Variants in DEPTOR observed in about 807,000 individuals in gnomAD.
The protein encoded by DEPTOR is DEP domain containing MTOR interacting protein, also known as DEP domain-containing mTOR-interacting protein.
Under a neutral mutation model 41.6 loss-of-function variants are expected in DEPTOR, and 41 were observed. That is an observed-to-expected ratio of 0.98 (90% CI 0.77 to 1.28). The LOEUF is 1.28. Ranked by LOEUF, DEPTOR falls within the 50% of genes most tolerant of loss-of-function variation. The pLI, the probability that DEPTOR is intolerant of heterozygous loss-of-function variation, is 0.00. For missense variants in DEPTOR, 514 were observed against 527.9 expected (o/e 0.97, Z 0.26); for synonymous variants, 195 against 192.3 (o/e 1.01, Z -0.12).
intron 8 of DEPTOR, among the ~76,000 whole-genome samples, chr8:120,042,605 G>T (rs1325834268): frequency 6.6e-6 from 1 of 151,996 alleles, no homozygotes; most frequent in Non-Finnish European, 1.5e-5. Context: ...TGCAACTTCC[G>T]CCTCCCAGGT....
intron 1 of DEPTOR, among the ~76,000 whole-genome samples, chr8:119,912,284 CTT>C: frequency 6.6e-6 from 1 of 152,168 alleles, no homozygotes; most frequent in Non-Finnish European, 1.5e-5. Flanking sequence ...ATTAAGGAAA[CTT>C]TGACTGGCAT....
At chr8:119,981,883 C>T (rs548404148) in intron 4 of DEPTOR, among the ~76,000 whole-genome samples, 19 of 151,506 alleles carry the variant, frequency 1.3e-4, no homozygotes, top group South Asian at 4.2e-4. Context: ...GGAGTGGTGG[C>T]GGGCGCCTGT....
At chr8:119,910,226 T>C (rs1164915452) in intron 1 of DEPTOR, among the ~76,000 whole-genome samples, 1 of 152,206 alleles carries the variant, frequency 6.6e-6, no homozygotes, top group Non-Finnish European at 1.5e-5. Context: ...AGAGCACCTA[T>C]GTTAAGAAAG....
chr8:119,906,690 G>A (rs118001140), intron 1 of DEPTOR, among the ~76,000 whole-genome samples: 1,983 of 152,142 alleles, frequency 0.013, 21 homozygotes, highest in Non-Finnish European at 0.02. Context: ...CCTATTGCTG[G>A]ACCATAAGCC....
chr8:120,025,763 C>T (rs968900904), intron 8 of DEPTOR, among the ~76,000 whole-genome samples: 1 of 151,926 alleles, frequency 6.6e-6, no homozygotes, highest in Non-Finnish European at 1.5e-5. Context: ...CTAGCTGGTC[C>T]CCTTTCGTCT....
intron 8 of DEPTOR, among the ~76,000 whole-genome samples, chr8:120,043,881 G>A (rs542548814): frequency 1.3e-5 from 2 of 151,908 alleles, no homozygotes; most frequent in South Asian, 2.1e-4. Context: ...GCGTGGTGGT[G>A]TGTGCCTGTA....
chr8:119,987,158 C>T (rs1239508861), intron 4 of DEPTOR, among the ~76,000 whole-genome samples: 1 of 152,072 alleles, frequency 6.6e-6, no homozygotes, highest in Admixed American at 6.6e-5. Context: ...TTTTCCTCAT[C>T]TTTGTGGATA....
chr8:119,931,968 ATTATTATT>A (rs1828049965), intron 3 of DEPTOR, among the ~76,000 whole-genome samples: 2 of 114,990 alleles, frequency 1.7e-5, no homozygotes, highest in South Asian at 3.5e-4. Flanking sequence ...GATTATTATT[ATTATTATT>A]ATTATTATTA....
intron 4 of DEPTOR, among the ~76,000 whole-genome samples, chr8:119,992,877 G>A (rs1418626154): frequency 6.6e-6 from 1 of 151,886 alleles, no homozygotes; most frequent in Non-Finnish European, 1.5e-5. Context: ...GGCTAGTTTC[G>A]AACTCCTGAC....
At chr8:119,953,605 A>G (rs78318720) in intron 3 of DEPTOR, among the ~76,000 whole-genome samples, 1 of 149,718 alleles carries the variant, frequency 6.7e-6, no homozygotes, top group Admixed American at 6.6e-5. Context: ...AAAAAAAAAA[A>G]GAAAGAAAGA....
chr8:120,027,693 G>A (rs1812820032), intron 8 of DEPTOR, among the ~76,000 whole-genome samples: 2 of 150,374 alleles, frequency 1.3e-5, no homozygotes, highest in Non-Finnish European at 2.9e-5. Flanking sequence ...CAATGGGAGT[G>A]AGACTCCAGC....
intron 4 of DEPTOR, among the ~76,000 whole-genome samples, chr8:119,983,352 G>A (rs1432784530): frequency 2.6e-5 from 4 of 151,988 alleles, no homozygotes; most frequent in Non-Finnish European, 5.9e-5. Flanking sequence ...GGGATTACAG[G>A]TGTGTAGCAC....
At chr8:120,042,569 A>G (rs1289524930) in intron 8 of DEPTOR, among the ~76,000 whole-genome samples, 1 of 152,178 alleles carries the variant, frequency 6.6e-6, no homozygotes, top group African/African-American at 2.4e-5. Context: ...CCCAGGCTGT[A>G]GTGCAATGGC....
chr8:119,907,609 A>T (rs1397217659), intron 1 of DEPTOR, among the ~76,000 whole-genome samples: 1 of 152,184 alleles, frequency 6.6e-6, no homozygotes, highest in Non-Finnish European at 1.5e-5. Flanking sequence ...ACTGGCCAAC[A>T]TGGTGAAACC....
chr8:119,985,150 G>T (rs887838190), intron 4 of DEPTOR, among the ~76,000 whole-genome samples: 2 of 152,124 alleles, frequency 1.3e-5, no homozygotes, highest in African/African-American at 4.8e-5. Flanking sequence ...TTCAACCCGG[G>T]CAACAGCATG....
chr8:120,002,791 A>AAAAAAAT, intron 5 of DEPTOR, among the ~76,000 whole-genome samples, 186 bp from the exon 6 acceptor site: 2 of 60,676 alleles, frequency 3.3e-5, no homozygotes, highest in Admixed American at 2.6e-4. Context: ...AAAAAAAAAA[A>AAAAAAAT]ATATATATAT....
intron 1 of DEPTOR, among the ~76,000 whole-genome samples, chr8:119,901,186 C>T (rs761414603): frequency 6.6e-6 from 1 of 152,152 alleles, no homozygotes; most frequent in Non-Finnish European, 1.5e-5. Flanking sequence ...GATATTTATG[C>T]AATTCTCTCA....
chr8:119,967,352 T>G (rs1190235545), intron 4 of DEPTOR, among the ~76,000 whole-genome samples: 1 of 151,588 alleles, frequency 6.6e-6, no homozygotes, highest in East Asian at 2.0e-4. Flanking sequence ...AGTGCTGGGA[T>G]TACAAGTGTG....
At chr8:120,043,117 G>A (rs1005081231) in intron 8 of DEPTOR, among the ~76,000 whole-genome samples, 1 of 151,480 alleles carries the variant, frequency 6.6e-6, no homozygotes, top group Non-Finnish European at 1.5e-5. Context: ...AGGTAATTGG[G>A]GAGCAGGTGG....
Sources: gnomAD v4.1 joint callset for allele counts (sites outside exome capture counted in the v4.1 genomes callset) on GRCh38, gnomAD v4.1.1 for gene constraint, MANE v1.5 for transcripts, NCBI Gene and HGNC (gene_info 2026-07-23, HGNC 2026-07-21) for gene names.